The following UVSSA variants were observed in gnomAD, a reference collection of about 807,000 sequenced individuals.
UVSSA encodes UV-stimulated scaffold protein A.
Under a neutral mutation model 73.9 loss-of-function variants are expected in UVSSA, and 72 were observed. The ratio of observed to expected loss-of-function variants is 0.97; its 90% CI spans 0.81 to 1.19. The LOEUF (loss-of-function observed/expected upper bound fraction) is 1.19. UVSSA is among the 50% of genes most tolerant of loss of function. The probability of loss-of-function intolerance (pLI) is 0.00; values close to 1 mark genes in which losing one functional copy is unlikely to be tolerated. For synonymous variants in UVSSA, 454 were observed against 391.3 expected, an observed-to-expected ratio of 1.16 and a Z score of -1.89; for missense variants, 1,150 against 965.0, an observed-to-expected ratio of 1.19 and a Z score of -2.54.
exon 14 of UVSSA, chr4:1,395,755 CAG>C (rs751219434): frequency 3.7e-6 from 6 of 1,614,124 alleles, no homozygotes; most frequent in Non-Finnish European, 5.1e-6. Context: ...CCGGCCGAGT[CAG>C]ACGCTGTTAC....
At chr4:1,354,057 C>G (rs974144270) in intron 5 of UVSSA, among the ~76,000 whole-genome samples, 13 of 152,234 alleles carry the variant, frequency 8.5e-5, no homozygotes, top group Admixed American at 8.5e-4. Context: ...TTTGAGGAAC[C>G]TTCTTCTTTG....
Position 1,355,262 on chromosome 4 carries a change from C to T in UVSSA, c.1176+17C>T, listed in dbSNP as rs769102065. On this transcript the variant is annotated intron_variant, in intron 7 of 13. Transcript: ENST00000389851. ...AGGCGCAGGGTGAGTGGGCAGGCGG[C>T]GAGCGGGAAGGGGTCCCAGAGGCCT... 1.9e-5 allele frequency: 31 copies of T among 1,592,362 alleles called. No individual in the cohort carries two copies. Among genetic ancestry groups the T allele is most frequent in the Admixed American group, 8.7e-5 (5 of 57,192 alleles).
chr4:1,355,017 GA>G, intron 6 of UVSSA, 99 bp from the exon 7 acceptor site: 8 of 1,547,944 alleles, frequency 5.2e-6, no homozygotes, highest in Non-Finnish European at 5.2e-6. Context: ...GTGTGCCAGG[GA>G]CCCCCCGGGC....
chr4:1,344,115 G>A (rs1440194124), upstream of UVSSA, among the ~76,000 whole-genome samples: 2 of 152,052 alleles, frequency 1.3e-5, no homozygotes, highest in African/African-American at 4.8e-5. Flanking sequence ...CATACGCCTT[G>A]TTTAATCTGA....
intron 8 of UVSSA, among the ~76,000 whole-genome samples, chr4:1,371,833 A>G (rs1171188803): frequency 6.6e-6 from 1 of 152,226 alleles, no homozygotes; most frequent in East Asian, 1.9e-4. Flanking sequence ...AGACCATATC[A>G]GATAGGAAAT....
At chr4:1,342,556 T>C (rs1164816071), upstream of UVSSA, among the ~76,000 whole-genome samples, 1 of 152,204 alleles carries the variant, frequency 6.6e-6, no homozygotes, top group Non-Finnish European at 1.5e-5. Flanking sequence ...CTTTTCTATG[T>C]TCTAAAAAAA....
Position 1,386,240 on chromosome 4 carries a change from G to A in UVSSA, c.*279G>A, listed in dbSNP as rs144791465. Reference sequence around the variant, plus strand: ...TTCCAGAGGGCTTCTGCGAGTCCTCGTGAGACCAGTGCTTGTCGTGGTGTG... The same window carrying A: ...TTCCAGAGGGCTTCTGCGAGTCCTCATGAGACCAGTGCTTGTCGTGGTGTG... On this transcript the variant is annotated 3_prime_UTR_variant, in exon 14 of 14. Transcript: ENST00000389851. 928 of 431,906 alleles carry A rather than the reference G, an allele frequency of 2.1e-3. 5 individuals carry two copies. Among genetic ancestry groups the A allele is most frequent in the African/African-American group, 0.014 (704 of 50,080 alleles). The allele number at this position is 431,906 out of a possible 1,614,324, so 26.8% of individuals were successfully genotyped here. A position where few individuals can be genotyped will look rare whatever the true frequency, so the allele number is the denominator to read the frequency against.
At position 1,372,834 on chromosome 4, in the gene UVSSA, T is replaced by A. The variant is rs62284732; in HGVS notation, c.1289-2530T>A. The stretch of plus-strand genomic sequence containing the variant: ...CGTCTCAGGGCACTCACCTCCCGCG[T>A]CTCAGGGCACTCACCTCCCGCGTCC... On this transcript the variant is annotated intron_variant, in intron 8 of 13. Transcript: ENST00000389851. 9.3e-3 allele frequency among the ~76,000 whole-genome samples: 316 copies of A among 34,108 alleles called. 42 individuals are homozygous for A. Among genetic ancestry groups the A allele is most frequent in the African/African-American group, 0.032 (171 of 5,290 alleles). The allele number at this position is 34,108 out of a possible 152,430, so 22.4% of individuals were successfully genotyped here.
At chr4:1,359,721 ACT>A (rs1250337249) in intron 7 of UVSSA, among the ~76,000 whole-genome samples, 1 of 151,224 alleles carries the variant, frequency 6.6e-6, no homozygotes, top group Non-Finnish European at 1.5e-5. Flanking sequence ...CGTCCCCCCG[ACT>A]CTGTGGTTTT....
chr4:1,368,929 G>A (rs932312019), intron 8 of UVSSA, among the ~76,000 whole-genome samples: 5 of 152,218 alleles, frequency 3.3e-5, no homozygotes, highest in Non-Finnish European at 7.4e-5. Flanking sequence ...CCACTGCATG[G>A]CGCCTGCCCC....
At chr4:1,364,583 A>ATTTTGTGACACTGTTTT (rs1717067936) in intron 7 of UVSSA, among the ~76,000 whole-genome samples, 1 of 152,288 alleles carries the variant, frequency 6.6e-6, no homozygotes, top group South Asian at 2.1e-4. Context: ...TGTGTGTCAG[A>ATTTTGTGACACTGTTTT]GTGATTCTGT....
In UVSSA at chr4:1,351,949, G is replaced by A; in HGVS notation, c.550+114G>A. The A allele has an allele frequency of 2.0e-6, 3 of 1,494,044 alleles. No homozygotes were observed. The South Asian group carries it at 3.8e-5, about 19-fold the overall frequency. The allele number at this position is 1,494,044 out of a possible 1,614,324, so 92.5% of individuals were successfully genotyped here. ...CGCAAGGAACCCAGGTTTTGAGACA[G>A]GCTAGGTGGAGAGGATTCAGGTCGG... On this transcript the variant is annotated intron_variant, in intron 4 of 13. Transcript: ENST00000389851.
chr4:1,344,377 CCT>C (rs913314744), upstream of UVSSA, among the ~76,000 whole-genome samples: 17 of 152,010 alleles, frequency 1.1e-4, no homozygotes, highest in African/African-American at 4.1e-4. Context: ...ATGGTGAAAC[CCT>C]GTTTCTACTA....
chr4:1,352,078 G>A (rs1271154796), intron 4 of UVSSA, among the ~76,000 whole-genome samples: 1 of 152,250 alleles, frequency 6.6e-6, no homozygotes, highest in East Asian at 1.9e-4. Context: ...CGGACCTCTG[G>A]GCAGAGATGC....
upstream of UVSSA, among the ~76,000 whole-genome samples, chr4:1,343,794 A>G (rs1039281697): frequency 1.2e-4 from 18 of 152,210 alleles, no homozygotes; most frequent in Non-Finnish European, 1.0e-4. Context: ...TCTCAAAAAA[A>G]AAAAGTATTT....
intron 7 of UVSSA, among the ~76,000 whole-genome samples, chr4:1,358,236 C>T (rs559487166): frequency 1.3e-5 from 2 of 152,334 alleles, no homozygotes; most frequent in Admixed American, 6.5e-5. Flanking sequence ...GGGGTGTCTG[C>T]GGCCAGGACT....
intron 8 of UVSSA, among the ~76,000 whole-genome samples, chr4:1,367,325 A>C (rs888476253): frequency 6.6e-6 from 1 of 152,210 alleles, no homozygotes; most frequent in African/African-American, 2.4e-5. Flanking sequence ...TGGTGTTTGC[A>C]TGGAGGGGAG....
At chr4:1,381,050 C>T in intron 12 of UVSSA, 62 bp downstream of exon 12, 5 of 1,501,576 alleles carry the variant, frequency 3.3e-6, no homozygotes, top group Non-Finnish European at 4.6e-6. Context: ...CCACTAGTGG[C>T]CCGGGGTGTG....
In UVSSA at chr4:1,349,690, C is replaced by T; in HGVS notation, c.265C>T (p.Leu89Phe). The part of the protein sequence containing the change: ...VVSNFQEFLE[L>F]TLGTDPAQPL... The stretch of plus-strand genomic sequence containing the variant: ...TTCCAACTTCCAGGAGTTCCTGGAG[C>T]TCACGCTGGGCACAGACCCCGCACA... Residue 89 changes from leucine to phenylalanine, a missense_variant, in exon 3 of 14, where the codon CTC becomes TTC. By Grantham distance (22) the Leu-to-Phe change is conservative. Coordinates refer to ENST00000389851, the MANE Select transcript of UVSSA (RefSeq NM_020894.4). 6.2e-7 allele frequency: 1 copy of T among 1,614,018 alleles called. No individual in the cohort carries two copies. Among genetic ancestry groups the T allele is most frequent in the Non-Finnish European group, 8.5e-7 (1 of 1,179,986 alleles).
Sources: allele counts gnomAD v4.1 joint callset (sites outside exome capture counted in the v4.1 genomes callset), GRCh38; gene constraint gnomAD v4.1.1; transcripts MANE v1.5; gene names NCBI Gene and HGNC (gene_info 2026-07-23, HGNC 2026-07-21).